ABCC12: variants seen among roughly 807,000 people sequenced by gnomAD.
The protein encoded by ABCC12 is ATP-binding cassette sub-family C member 12.
A neutral mutation model predicts 151.1 loss-of-function variants in ABCC12; 142 were observed. The observed-to-expected ratio is 0.94, with a 90% CI of 0.82 to 1.08. The LOEUF is 1.08. Ranked by LOEUF, ABCC12 falls within the 50% of genes least tolerant of loss-of-function variation. The pLI, the probability that ABCC12 is intolerant of heterozygous loss-of-function variation, is 0.00. For synonymous variants in ABCC12, 645 were observed against 646.4 expected, an observed-to-expected ratio of 1.00 and a Z score of 0.03; for missense variants, 1,638 against 1,691.1, an observed-to-expected ratio of 0.97 and a Z score of 0.55.
intron 2 of ABCC12, among the ~76,000 whole-genome samples, chr16:48,147,974 G>A (rs2150684156): frequency 6.6e-6 from 1 of 152,292 alleles, no homozygotes; most frequent in East Asian, 1.9e-4. Context: ...TGGAGACGGA[G>A]TCTCACTCTG....
intron 8 of ABCC12, among the ~76,000 whole-genome samples, chr16:48,137,175 A>G (rs1396594797): frequency 6.6e-6 from 1 of 152,050 alleles, no homozygotes; most frequent in African/African-American, 2.4e-5. Flanking sequence ...ACTGGGTGGG[A>G]GTGGAATGGA....
At chr16:48,137,431 G>A (rs781473569) in intron 8 of ABCC12, among the ~76,000 whole-genome samples, 4 of 152,204 alleles carry the variant, frequency 2.6e-5, no homozygotes, top group Non-Finnish European at 4.4e-5. Flanking sequence ...AAATTGCACT[G>A]AAGTGAACTC....
chr16:48,086,238 T>G (rs1040009145), intron 28 of ABCC12: 1 of 169,986 alleles, frequency 5.9e-6, no homozygotes, highest in Admixed American at 5.5e-5. Flanking sequence ...CAGGGTTCCC[T>G]CTCACAGATG....
intron 9 of ABCC12, among the ~76,000 whole-genome samples, chr16:48,132,127 T>C (rs191204454): frequency 2.0e-5 from 3 of 152,366 alleles, no homozygotes; most frequent in Admixed American, 6.5e-5. Context: ...TGATTTCAAG[T>C]TGATTTGCTT....
intron 5 of ABCC12, 102 bp downstream of exon 5, chr16:48,141,104 T>C: frequency 6.6e-7 from 1 of 1,511,120 alleles, no homozygotes; most frequent in African/African-American, 1.4e-5. Context: ...GCAAAGATAA[T>C]GACAATGCAC....
intron 6 of ABCC12, 64 bp from the exon 7 acceptor site, chr16:48,139,400 G>C (rs1964728119): frequency 6.6e-7 from 1 of 1,516,934 alleles, no homozygotes; most frequent in Non-Finnish European, 8.9e-7. Context: ...TTTAAATGAA[G>C]GCTTTCAGAT....
Position 48,138,247 on chromosome 16 carries a change from A to T in ABCC12, c.960T>A (p.Ser320=). ...TCCTACCTTGGATAGTGTTGGTAAA[A>T]GATTTCTCCCAGGCATACATTTTGA... ...RLIKMYAWEK[S]FTNTIQDIRR... Residue 320 remains serine, a synonymous_variant, in exon 8 of 31, where the codon TCT becomes TCA. Coordinates refer to ENST00000311303, the MANE Select transcript of ABCC12 (RefSeq NM_001393797.1). 2.5e-6 allele frequency: 4 copies of T among 1,610,214 alleles called. No homozygotes were observed. Among genetic ancestry groups the T allele is most frequent in the Non-Finnish European group, 3.4e-6 (4 of 1,176,882 alleles).
chr16:48,119,612 G>A (rs1292821223), intron 13 of ABCC12, among the ~76,000 whole-genome samples: 1 of 152,246 alleles, frequency 6.6e-6, no homozygotes, highest in African/African-American at 2.4e-5. Flanking sequence ...CATGGCCGGG[G>A]AAGAGGAGGT....
At chr16:48,107,212 G>A (rs1488756247) in intron 20 of ABCC12, 110 bp downstream of exon 20, 4 of 999,822 alleles carry the variant, frequency 4.0e-6, no homozygotes, top group African/African-American at 1.6e-5. Context: ...AAGGGCAGAG[G>A]GATGCATGTG....
intron 12 of ABCC12, 141 bp from the exon 13 acceptor site, chr16:48,121,981 G>T: frequency 1.6e-6 from 2 of 1,231,388 alleles, no homozygotes; most frequent in South Asian, 1.5e-5. Context: ...TCTTGTCCAT[G>T]CACCAGAAAG....
chr16:48,083,629 G>A lies in ABCC12; in HGVS notation c.*86C>T. The A allele has an allele frequency of 1.5e-6, 2 of 1,362,442 alleles. No individual in the cohort carries two copies. The highest frequency in any genetic ancestry group is 1.0e-6 in the Non-Finnish European group (1 of 973,686). The allele number at this position is 1,362,442 out of a possible 1,614,324, so 84.4% of individuals were successfully genotyped here. The stretch of plus-strand genomic sequence containing the variant: ...GAGGGGCTGAAGACCAGGGCTGCCT[G>A]CGGAGAGGACAGCCCCTCCTCCTGA... On this transcript the variant is annotated 3_prime_UTR_variant, in exon 31 of 31. Transcript: ENST00000311303.
intron 23 of ABCC12, among the ~76,000 whole-genome samples, chr16:48,100,258 T>G (rs568928571): frequency 3.2e-4 from 48 of 152,274 alleles, no homozygotes; most frequent in African/African-American, 1.1e-3. Flanking sequence ...CCGCGCCCAG[T>G]CTGATTTATA....
intron 6 of ABCC12, 127 bp from the exon 7 acceptor site, chr16:48,139,463 G>T: frequency 1.0e-6 from 1 of 985,804 alleles, no homozygotes; most frequent in South Asian, 1.7e-5. Flanking sequence ...AGCAGGAAGG[G>T]GTCACCGGGG....
At chr16:48,099,247 G>C (rs1407080454) in intron 23 of ABCC12, among the ~76,000 whole-genome samples, 1 of 151,950 alleles carries the variant, frequency 6.6e-6, no homozygotes, top group Admixed American at 6.6e-5. Flanking sequence ...GTGAAATGCT[G>C]TCTCTACTAA....
At chr16:48,086,936 G>A (rs529218549) in intron 27 of ABCC12, 117 bp from the exon 28 acceptor site, 14 of 846,698 alleles carry the variant, frequency 1.7e-5, no homozygotes, top group Middle Eastern at 2.9e-4. Flanking sequence ...TGATGACCTC[G>A]TGCTCCAAGA....
intron 10 of ABCC12, among the ~76,000 whole-genome samples, chr16:48,129,268 C>T (rs942804668): frequency 1.3e-5 from 2 of 152,114 alleles, no homozygotes; most frequent in African/African-American, 4.8e-5. Flanking sequence ...ATGCACGGAT[C>T]GTTTCTGCAA....
At chr16:48,088,424 A>C (rs1962718838) in intron 26 of ABCC12, 121 bp downstream of exon 26, 4 of 1,153,772 alleles carry the variant, frequency 3.5e-6, no homozygotes, top group South Asian at 3.2e-5. Flanking sequence ...AAGAGATTTG[A>C]GGGAAATAAC....
In ABCC12 at chr16:48,138,345, G is replaced by A. The variant is rs780376202; in HGVS notation, c.862C>T (p.Arg288Ter). The change falls in exon 8 of 31, where the codon CGA (arginine) becomes TGA (stop). Residue 288 changes from arginine to a stop codon, truncating the protein, a stop_gained. Transcript: ENST00000311303. LOFTEE classifies it high-confidence loss of function. ...MFMAKLNSAFRRSAILVTDKR... is the reference protein window; with the variant it reads ...MFMAKLNSAF ...TCTGTCACCAAAATTGCTGACCTTC[G>A]GAAAGCTGAATTGAGCTTGGCCATA... 8 of 1,613,346 alleles carry A rather than the reference G, an allele frequency of 5.0e-6. No individual in the cohort carries two copies. The highest frequency in any genetic ancestry group is 3.3e-5 in the Admixed American group (2 of 59,988).
intron 7 of ABCC12, 32 bp from the exon 8 acceptor site, chr16:48,138,407 G>C (rs375238319): frequency 1.4e-4 from 216 of 1,586,834 alleles, no homozygotes; most frequent in Non-Finnish European, 1.7e-4. Context: ...TGTTTTCAGA[G>C]AGAAGTGCTG....
Sources: gnomAD v4.1 joint callset for allele counts (sites outside exome capture counted in the v4.1 genomes callset) on GRCh38, gnomAD v4.1.1 for gene constraint, MANE v1.5 for transcripts, NCBI Gene and HGNC (gene_info 2026-07-23, HGNC 2026-07-21) for gene names.